Variants in DOK6 observed in about 807,000 individuals in gnomAD.
DOK6 encodes the protein docking protein 6, also known as downstream of tyrosine kinase 6.
Under a neutral mutation model 44.0 loss-of-function variants are expected in DOK6, and 22 were observed. The observed-to-expected ratio is 0.50, with a 90% confidence interval of 0.36 to 0.71. DOK6 has a LOEUF of 0.71. DOK6 is among the 30% of genes least tolerant of loss of function. DOK6 has a pLI of 0.00. For synonymous variants in DOK6, 166 were observed against 145.5 expected, an observed-to-expected ratio of 1.14 and a Z score of -1.01; for missense variants, 340 against 416.4, an observed-to-expected ratio of 0.82 and a Z score of 1.60.
At chr18:69,674,247 A>G (rs111395724) in intron 3 of DOK6, among the ~76,000 whole-genome samples, 38 of 152,352 alleles carry the variant, frequency 2.5e-4, no homozygotes, top group African/African-American at 8.9e-4. Context: ...AGCTTTGTCT[A>G]AAAGTCAAAG....
At chr18:69,450,142 A>G (rs1388099478) in intron 1 of DOK6, among the ~76,000 whole-genome samples, 6 of 112,304 alleles carry the variant, frequency 5.3e-5, no homozygotes, top group African/African-American at 2.1e-4. Flanking sequence ...AACCAAAGGC[A>G]AAGAAGTTGA....
chr18:69,556,537 G>A (rs9956440), intron 1 of DOK6, among the ~76,000 whole-genome samples: 1 of 152,158 alleles, frequency 6.6e-6, no homozygotes, highest in Admixed American at 6.5e-5. Context: ...ACCCATCTAC[G>A]ATATTGAAAT....
chr18:69,708,186 T>G (rs1413527713), intron 5 of DOK6, among the ~76,000 whole-genome samples: 1 of 152,188 alleles, frequency 6.6e-6, no homozygotes, highest in Non-Finnish European at 1.5e-5. Context: ...AGTAAACAGA[T>G]TTAAATTTTA....
At chr18:69,460,509 G>T (rs1015547739) in intron 1 of DOK6, among the ~76,000 whole-genome samples, 1 of 152,090 alleles carries the variant, frequency 6.6e-6, no homozygotes, top group Admixed American at 6.5e-5. Flanking sequence ...ACTGTTAGAT[G>T]AACTCAATCA....
At chr18:69,563,802 A>T (rs1354493427) in intron 1 of DOK6, among the ~76,000 whole-genome samples, 4 of 140,860 alleles carry the variant, frequency 2.8e-5, no homozygotes, top group African/African-American at 5.7e-5. Context: ...AAAGTATAAT[A>T]AAAAAAAAAA....
At chr18:69,749,224 T>C (rs1481263948) in intron 6 of DOK6, among the ~76,000 whole-genome samples, 1 of 152,058 alleles carries the variant, frequency 6.6e-6, no homozygotes, top group Non-Finnish European at 1.5e-5. Flanking sequence ...GATGGGTTGA[T>C]AGCTGCAGCA....
At chr18:69,539,340 C>T (rs759017524) in intron 1 of DOK6, among the ~76,000 whole-genome samples, 6 of 152,022 alleles carry the variant, frequency 3.9e-5, no homozygotes, top group Non-Finnish European at 8.8e-5. Flanking sequence ...TAGATTCTGC[C>T]CCTGAATTCT....
chr18:69,406,695 A>G (rs965759124), intron 1 of DOK6, among the ~76,000 whole-genome samples: 2 of 152,212 alleles, frequency 1.3e-5, no homozygotes, highest in Non-Finnish European at 2.9e-5. Flanking sequence ...ATATCTTTCT[A>G]CGATCTACAT....
chr18:69,584,964 C>T (rs1269116983), intron 2 of DOK6, among the ~76,000 whole-genome samples: 1 of 151,846 alleles, frequency 6.6e-6, no homozygotes, highest in Non-Finnish European at 1.5e-5. Context: ...TTTCATCTAG[C>T]TTGCCAGAGG....
intron 6 of DOK6, among the ~76,000 whole-genome samples, chr18:69,752,161 C>A (rs1426780714): frequency 6.6e-6 from 1 of 151,154 alleles, no homozygotes; most frequent in Non-Finnish European, 1.5e-5. Flanking sequence ...ACAAGTCTCT[C>A]TAAAAGATAA....
At chr18:69,605,354 A>G (rs1983971334) in intron 3 of DOK6, among the ~76,000 whole-genome samples, 1 of 152,166 alleles carries the variant, frequency 6.6e-6, no homozygotes, top group Admixed American at 6.6e-5. Flanking sequence ...AAACAGAGGT[A>G]CTTTGAACCT....
chr18:69,838,097 A>AT (rs147750150), intron 7 of DOK6, among the ~76,000 whole-genome samples: 1 of 152,056 alleles, frequency 6.6e-6, no homozygotes, highest in Non-Finnish European at 1.5e-5. Flanking sequence ...ATTTAAAAAA[A>AT]GTGTTAATAA....
chr18:69,518,587 A>AT (rs5825949), intron 1 of DOK6, among the ~76,000 whole-genome samples: 63,510 of 152,000 alleles, frequency 0.42, 13,983 homozygotes, highest in Non-Finnish European at 0.49. Flanking sequence ...TGAGTTTAGA[A>AT]TTTTTGTATC....
chr18:69,534,321 A>G (rs1315094473), intron 1 of DOK6, among the ~76,000 whole-genome samples: 1 of 152,176 alleles, frequency 6.6e-6, no homozygotes, highest in African/African-American at 2.4e-5. Flanking sequence ...TTGCAAATGC[A>G]TGAAAGTGAT....
chr18:69,542,583 A>T (rs1277589119), intron 1 of DOK6, among the ~76,000 whole-genome samples: 1 of 151,624 alleles, frequency 6.6e-6, no homozygotes, highest in Non-Finnish European at 1.5e-5. Context: ...CATTTTACAC[A>T]GCAGCTAACA....
At chr18:69,839,421 C>T (rs1436339872) in intron 7 of DOK6, among the ~76,000 whole-genome samples, 1 of 151,774 alleles carries the variant, frequency 6.6e-6, no homozygotes, top group African/African-American at 2.4e-5. Context: ...TCCCTAGCCC[C>T]TCCCCTGGTT....
In DOK6 at chr18:69,546,191, C is replaced by T. The variant is rs1040567432; in HGVS notation, c.67-18296C>T. Among the ~76,000 whole-genome samples, 6 of 150,432 alleles carry T rather than the reference C, an allele frequency of 4.0e-5. 1 individual carries two copies. Among genetic ancestry groups the T allele is most frequent in the Admixed American group, 6.6e-5 (1 of 15,068 alleles). On this transcript the variant is annotated intron_variant, in intron 1 of 7. Transcript: ENST00000382713. ...ACTTGGGAGGCTGAGGCAGAAGAAT[C>T]GCTTGAACCTGGGAGGTCGAGGTTG...
At chr18:69,454,979 C>A (rs1979583899) in intron 1 of DOK6, among the ~76,000 whole-genome samples, 1 of 143,462 alleles carries the variant, frequency 7.0e-6, no homozygotes, top group Non-Finnish European at 1.5e-5. Flanking sequence ...TTAGTGGGTG[C>A]AGCGCACCAG....
intron 4 of DOK6, among the ~76,000 whole-genome samples, chr18:69,690,839 T>C (rs979470916): frequency 1.3e-5 from 2 of 152,182 alleles, no homozygotes; most frequent in Non-Finnish European, 2.9e-5. Context: ...TAGTTTTGGA[T>C]TCTTACTAAA....
Sources: gnomAD v4.1 joint callset for allele counts (sites outside exome capture counted in the v4.1 genomes callset) on GRCh38, gnomAD v4.1.1 for gene constraint, MANE v1.5 for transcripts, NCBI Gene and HGNC (gene_info 2026-07-23, HGNC 2026-07-21) for gene names.